The following TNNI3K variants were observed in gnomAD, a reference collection of about 807,000 sequenced individuals.
TNNI3K encodes the protein TNNI3 interacting kinase, also known as serine/threonine-protein kinase TNNI3K.
A neutral mutation model predicts 114.5 loss-of-function variants in TNNI3K; 140 were observed. That is an observed-to-expected ratio of 1.22 (90% CI 1.07 to 1.41). The LOEUF is 1.41. Ranked by LOEUF, TNNI3K falls within the 40% of genes most tolerant of loss-of-function variation. The pLI, the probability that TNNI3K is intolerant of heterozygous loss-of-function variation, is 0.00. For missense variants in TNNI3K, 1,125 were observed against 1,007.6 expected (o/e 1.12, Z -1.58); for synonymous variants, 347 against 347.5 (o/e 1.00, Z 0.02).
At chr1:74,387,896 T>A (rs1055316297) in intron 17 of TNNI3K, among the ~76,000 whole-genome samples, 4 of 152,246 alleles carry the variant, frequency 2.6e-5, no homozygotes, top group African/African-American at 9.6e-5. Flanking sequence ...TTATCTTAAA[T>A]GGTTCTAGAA....
At chr1:74,353,425 C>A in intron 10 of TNNI3K, 65 bp downstream of exon 10, 1 of 1,573,588 alleles carries the variant, frequency 6.4e-7, no homozygotes, top group South Asian at 1.1e-5. Context: ...TAATGGTATG[C>A]AAAGGGATGT....
At chr1:74,360,393 T>C (rs1661897282) in intron 11 of TNNI3K, among the ~76,000 whole-genome samples, 1 of 152,050 alleles carries the variant, frequency 6.6e-6, no homozygotes, top group Non-Finnish European at 1.5e-5. Flanking sequence ...TCCTGTTACA[T>C]GGGCAACCCC....
intron 23 of TNNI3K, among the ~76,000 whole-genome samples, chr1:74,526,668 A>G (rs1646507371): frequency 6.6e-6 from 1 of 152,218 alleles, no homozygotes; most frequent in African/African-American, 2.4e-5. Flanking sequence ...CCATTAGCTC[A>G]TGCATTTTAG....
intron 4 of TNNI3K, among the ~76,000 whole-genome samples, chr1:74,270,662 T>C (rs1195229776): frequency 6.6e-6 from 1 of 151,678 alleles, no homozygotes. Context: ...CAAACAGTAT[T>C]TGATGTTATA....
chr1:74,243,132 G>A (rs1000213070), intron 2 of TNNI3K, among the ~76,000 whole-genome samples: 1 of 152,108 alleles, frequency 6.6e-6, no homozygotes, highest in African/African-American at 2.4e-5. Flanking sequence ...AATCTTATAA[G>A]ATAACAATAA....
chr1:74,240,738 C>A (rs192321666), intron 2 of TNNI3K: 2 of 151,644 alleles, frequency 1.3e-5, no homozygotes, highest in East Asian at 3.9e-4. Flanking sequence ...AAATTTAAAA[C>A]CATGAGAATA....
At chr1:74,370,140 C>G in intron 16 of TNNI3K, 148 bp from the exon 17 acceptor site, 1 of 541,302 alleles carries the variant, frequency 1.8e-6, no homozygotes, top group Non-Finnish European at 3.1e-6. Context: ...TGTAGGAAAG[C>G]TATTCAGATT....
chr1:74,280,198 C>T (rs487131), intron 5 of TNNI3K, among the ~76,000 whole-genome samples: 23 of 152,038 alleles, frequency 1.5e-4, no homozygotes, highest in Admixed American at 7.2e-4. Flanking sequence ...CTGGCTAACA[C>T]GGTGAAACCC....
Position 74,335,991 on chromosome 1 carries a change from C to A in TNNI3K, c.544-20C>A, listed in dbSNP as rs199799545. The A allele has an allele frequency of 6.4e-7, 1 of 1,552,206 alleles. No homozygotes were observed. The highest frequency in any genetic ancestry group is 1.7e-4 in the Middle Eastern group (1 of 5,804). Reference sequence around the variant, plus strand: ...ATTGTTTGAATTTTTATACTGATTTCAAATGAATAAATCCTTTAGGTAACT... The same window carrying A: ...ATTGTTTGAATTTTTATACTGATTTAAAATGAATAAATCCTTTAGGTAACT... On this transcript the variant is annotated intron_variant, in intron 6 of 24. Transcript: ENST00000326637.
chr1:74,326,844 A>G (rs373832056), intron 5 of TNNI3K, among the ~76,000 whole-genome samples: 10 of 152,272 alleles, frequency 6.6e-5, no homozygotes, highest in Admixed American at 5.2e-4. Context: ...TAATCCCAGT[A>G]CTTTGGGAGG....
Position 74,540,334 on chromosome 1 carries a change from G to C in TNNI3K, c.2431+21G>C, listed in dbSNP as rs150542303. On this transcript the variant is annotated intron_variant, in intron 24 of 24. Transcript: ENST00000326637. The stretch of plus-strand genomic sequence containing the variant: ...ATATGGTAAGTAGGCAGATTCTTTA[G>C]GTTTGTTAAGAAAACTACCCCTAGG... 8.3e-4 allele frequency: 1,327 copies of C among 1,607,586 alleles called. 10 individuals carry two copies. The African/African-American group carries it at 0.016, about 19-fold the overall frequency.
chr1:74,433,039 C>G (rs1385493706), intron 17 of TNNI3K, among the ~76,000 whole-genome samples: 2 of 151,898 alleles, frequency 1.3e-5, no homozygotes, highest in East Asian at 3.9e-4. Flanking sequence ...CACAGGAGAC[C>G]CTCACTCAAT....
At chr1:74,402,142 A>G (rs1392597135) in intron 17 of TNNI3K, among the ~76,000 whole-genome samples, 1 of 152,166 alleles carries the variant, frequency 6.6e-6, no homozygotes, top group African/African-American at 2.4e-5. Context: ...ACAAAAACAC[A>G]ACGGGGTCAA....
At chr1:74,373,917 G>T (rs536790701) in intron 17 of TNNI3K, 1 of 151,992 alleles carries the variant, frequency 6.6e-6, no homozygotes, top group East Asian at 1.9e-4. Flanking sequence ...GCAGGGGATT[G>T]GTTCCAGGAC....
chr1:74,431,431 A>G (rs117503054), intron 17 of TNNI3K, among the ~76,000 whole-genome samples: 1 of 152,138 alleles, frequency 6.6e-6, no homozygotes, highest in East Asian at 1.9e-4. Context: ...ATGTACCTTG[A>G]TCTTTCTTTC....
chr1:74,340,173 G>A (rs904828551), intron 7 of TNNI3K, among the ~76,000 whole-genome samples: 5 of 151,946 alleles, frequency 3.3e-5, no homozygotes, highest in Non-Finnish European at 4.4e-5. Flanking sequence ...GTCAATAAGC[G>A]GAAATAAAGA....
chr1:74,423,353 T>C (rs370407849), intron 17 of TNNI3K, among the ~76,000 whole-genome samples: 1 of 152,086 alleles, frequency 6.6e-6, no homozygotes, highest in African/African-American at 2.4e-5. Context: ...CTAAAAACAA[T>C]ATTCAAAGCA....
intron 11 of TNNI3K, among the ~76,000 whole-genome samples, chr1:74,362,725 T>TATTTTA (rs557308530): frequency 6.6e-6 from 1 of 151,992 alleles, no homozygotes; most frequent in Non-Finnish European, 1.5e-5. Flanking sequence ...AAATAACTAT[T>TATTTTA]AAGAAAGTTG....
At chr1:74,480,952 C>A in intron 21 of TNNI3K, 1 of 714,842 alleles carries the variant, frequency 1.4e-6, no homozygotes, top group Non-Finnish European at 2.6e-6. Flanking sequence ...TTAAAACCCT[C>A]GTGGTCATAG....
Sources: allele counts gnomAD v4.1 joint callset (sites outside exome capture counted in the v4.1 genomes callset), GRCh38; gene constraint gnomAD v4.1.1; transcripts MANE v1.5; gene names NCBI Gene and HGNC (gene_info 2026-07-23, HGNC 2026-07-21).